BNC2: variants seen among roughly 807,000 people sequenced by gnomAD.
BNC2 encodes the protein zinc finger protein basonuclin-2.
Under a neutral mutation model 76.3 loss-of-function variants are expected in BNC2, and 20 were observed. The observed-to-expected ratio is 0.26, with a 90% confidence interval of 0.18 to 0.38. The LOEUF is 0.38. BNC2 is among the 10% of genes least tolerant of loss of function. The probability of loss-of-function intolerance (pLI) is 1.00; values close to 1 mark genes in which losing one functional copy is unlikely to be tolerated. For synonymous variants in BNC2, 582 were observed against 514.8 expected, an observed-to-expected ratio of 1.13 and a Z score of -1.77; for missense variants, 1,382 against 1,399.8, an observed-to-expected ratio of 0.99 and a Z score of 0.20.
At chr9:16,465,739 C>T (rs1378165725) in intron 5 of BNC2, among the ~76,000 whole-genome samples, 1 of 152,102 alleles carries the variant, frequency 6.6e-6, no homozygotes, top group African/African-American at 2.4e-5. Context: ...TCTCAATAAA[C>T]TGCCTAAATT....
At position 16,537,045 on chromosome 9, in the gene BNC2, T is replaced by C. The variant is rs143436153; in HGVS notation, c.669+15485A>G. Among the ~76,000 whole-genome samples the C allele has an allele frequency of 3.0e-3, 450 of 152,234 alleles. 4 individuals are homozygous for C. Among genetic ancestry groups the C allele is most frequent in the African/African-American group, 0.01 (431 of 41,576 alleles). ...CTCATAAACCCTATAAAGTGAAAAT[T>C]ATATGGCATATTGTAGAGCTCATCC... On this transcript the variant is annotated intron_variant, in intron 5 of 6. Transcript: ENST00000380672.
At chr9:16,448,430 A>G (rs1312351282) in intron 5 of BNC2, among the ~76,000 whole-genome samples, 1 of 152,194 alleles carries the variant, frequency 6.6e-6, no homozygotes, top group Non-Finnish European at 1.5e-5. Context: ...TTGAGGTTCC[A>G]TAAGGTTCCA....
intron 3 of BNC2, among the ~76,000 whole-genome samples, chr9:16,619,223 A>T (rs1038770738): frequency 2.0e-5 from 3 of 152,210 alleles, no homozygotes; most frequent in Non-Finnish European, 2.9e-5. Flanking sequence ...CAGAAAAATA[A>T]ATATGTACAC....
intron 3 of BNC2, among the ~76,000 whole-genome samples, chr9:16,672,280 G>C (rs1043700903): frequency 1.3e-5 from 2 of 152,142 alleles, no homozygotes; most frequent in African/African-American, 4.8e-5. Flanking sequence ...GGCGGATCAC[G>C]AGGTCAGGAG....
intron 5 of BNC2, among the ~76,000 whole-genome samples, chr9:16,503,847 C>T (rs950054414): frequency 2.6e-5 from 4 of 152,034 alleles, no homozygotes; most frequent in African/African-American, 9.7e-5. Context: ...CTTCATGTGC[C>T]AACACAATAC....
At chr9:16,529,027 C>T (rs749756552) in intron 5 of BNC2, among the ~76,000 whole-genome samples, 25 of 152,156 alleles carry the variant, frequency 1.6e-4, no homozygotes, top group Admixed American at 3.3e-4. Flanking sequence ...TCCTAGCTTC[C>T]GGAGGCTCTG....
chr9:16,721,627 T>C (rs999702697), intron 3 of BNC2, among the ~76,000 whole-genome samples: 1 of 152,108 alleles, frequency 6.6e-6, no homozygotes, highest in African/African-American at 2.4e-5. Context: ...GGCGAATTAT[T>C]TCTACACGCA....
intron 3 of BNC2, among the ~76,000 whole-genome samples, chr9:16,679,243 A>C (rs956599765): frequency 1.3e-5 from 2 of 152,084 alleles, no homozygotes; most frequent in Non-Finnish European, 2.9e-5. Flanking sequence ...CTACCTACCC[A>C]TAAACCACTG....
intron 3 of BNC2, among the ~76,000 whole-genome samples, chr9:16,705,874 G>A (rs1823653879): frequency 6.6e-6 from 1 of 152,092 alleles, no homozygotes; most frequent in Admixed American, 6.5e-5. Flanking sequence ...AAAATTCAAA[G>A]GGATTGAATC....
At chr9:16,695,559 A>T (rs1823313890) in intron 3 of BNC2, among the ~76,000 whole-genome samples, 1 of 146,412 alleles carries the variant, frequency 6.8e-6, no homozygotes, top group Non-Finnish European at 1.5e-5. Flanking sequence ...TTTTTGATAA[A>T]AATGGGGGTC....
chr9:16,725,964 C>T (rs144012308), intron 3 of BNC2, among the ~76,000 whole-genome samples: 5 of 144,012 alleles, frequency 3.5e-5, no homozygotes, highest in Non-Finnish European at 6.0e-5. Flanking sequence ...TAGAGGGAGA[C>T]GTAAGCCAAT....
chr9:16,720,811 G>A (rs1314253624), intron 3 of BNC2, among the ~76,000 whole-genome samples: 3 of 152,022 alleles, frequency 2.0e-5, no homozygotes, highest in East Asian at 3.9e-4. Flanking sequence ...TATGAATGAA[G>A]AAAACATACA....
At chr9:16,799,528 T>C (rs1029258331) in intron 1 of BNC2, among the ~76,000 whole-genome samples, 1 of 152,158 alleles carries the variant, frequency 6.6e-6, no homozygotes, top group African/African-American at 2.4e-5. Context: ...TTGGCCAGGC[T>C]GGTCTCGAAC....
At chr9:16,597,278 T>C (rs1357764752) in intron 3 of BNC2, among the ~76,000 whole-genome samples, 1 of 152,182 alleles carries the variant, frequency 6.6e-6, no homozygotes, top group South Asian at 2.1e-4. Context: ...TTTTCTTTTA[T>C]ACATAGCTTT....
At chr9:16,474,114 G>T (rs986465436) in intron 5 of BNC2, among the ~76,000 whole-genome samples, 5 of 152,114 alleles carry the variant, frequency 3.3e-5, no homozygotes, top group Non-Finnish European at 4.4e-5. Context: ...TTAAAGTTCT[G>T]AGAGAACTGT....
intron 5 of BNC2, among the ~76,000 whole-genome samples, chr9:16,488,760 A>G (rs1822215239): frequency 6.6e-6 from 1 of 152,212 alleles, no homozygotes; most frequent in African/African-American, 2.4e-5. Context: ...AGCAAAGATT[A>G]AAGGCTAAAC....
intron 6 of BNC2, among the ~76,000 whole-genome samples, chr9:16,423,424 T>A (rs2119160710): frequency 6.6e-6 from 1 of 152,274 alleles, no homozygotes; most frequent in South Asian, 2.1e-4. Flanking sequence ...GGGTAAGGAC[T>A]TGGTCTTAAG....
intron 1 of BNC2, among the ~76,000 whole-genome samples, chr9:16,748,924 A>T: frequency 1.9e-4 from 1 of 5,236 alleles, no homozygotes; most frequent in African/African-American, 2.7e-4. Context: ...TTTTTATACT[A>T]TATATATATA....
intron 5 of BNC2, among the ~76,000 whole-genome samples, chr9:16,533,930 T>G (rs1403867955): frequency 1.3e-5 from 2 of 152,136 alleles, no homozygotes; most frequent in African/African-American, 4.8e-5. Context: ...TCATTCTTAG[T>G]AGTAATACAG....
Sources: allele counts gnomAD v4.1 joint callset (sites outside exome capture counted in the v4.1 genomes callset), GRCh38; gene constraint gnomAD v4.1.1; transcripts MANE v1.5; gene names NCBI Gene and HGNC (gene_info 2026-07-23, HGNC 2026-07-21).